Variants in CSMD2 observed in about 807,000 individuals in gnomAD.
CSMD2 encodes CUB and sushi domain-containing protein 2.
In CSMD2, 130 loss-of-function variants were observed where a neutral mutation model predicts 398.5. The observed-to-expected ratio is 0.33, with a 90% CI of 0.28 to 0.38. The LOEUF (loss-of-function observed/expected upper bound fraction) is 0.38. Among genes scored for constraint, CSMD2 ranks in the 10% least tolerant of loss-of-function variants. The pLI is 1.00. For synonymous variants in CSMD2, 1,828 were observed against 1,908.5 expected, an observed-to-expected ratio of 0.96 and a Z score of 1.10; for missense variants, 3,829 against 4,764.9, an observed-to-expected ratio of 0.80 and a Z score of 5.78.
At position 33,782,767 on chromosome 1, in the gene CSMD2, G is replaced by T. The variant is rs117891249; in HGVS notation, c.1663+5833C>A. 3.3e-5 allele frequency among the ~76,000 whole-genome samples: 5 copies of T among 152,276 alleles called. No individual in the cohort carries two copies. In the East Asian group the frequency reaches 9.6e-4, roughly 29 times the overall value. Reference sequence around the variant, plus strand: ...GCTCTACAGGACTGCAGAGATTTTTGTCTTGAATGGATTCGTAGAAACCAG... The same window carrying T: ...GCTCTACAGGACTGCAGAGATTTTTTTCTTGAATGGATTCGTAGAAACCAG... On this transcript the variant is annotated intron_variant, in intron 12 of 70. Coordinates refer to ENST00000373381, the MANE Select transcript of CSMD2 (RefSeq NM_001281956.2).
At chr1:33,788,243 C>A (rs1557894104) in intron 12 of CSMD2, among the ~76,000 whole-genome samples, 1 of 152,072 alleles carries the variant, frequency 6.6e-6, no homozygotes, top group Non-Finnish European at 1.5e-5. Context: ...CATGGTGGCT[C>A]ACGCCTGTAA....
chr1:33,997,416 A>C (rs1646762469), intron 3 of CSMD2, among the ~76,000 whole-genome samples: 2 of 152,174 alleles, frequency 1.3e-5, no homozygotes, highest in East Asian at 3.8e-4. Context: ...GGTCTGATTA[A>C]TCTAATTTGC....
chr1:33,776,029 C>T (rs1651919153), intron 12 of CSMD2, among the ~76,000 whole-genome samples: 1 of 152,082 alleles, frequency 6.6e-6, no homozygotes, highest in South Asian at 2.1e-4. Context: ...ACTGATGGGG[C>T]CAATACCAAA....
At chr1:33,784,197 A>C (rs1296521690) in intron 12 of CSMD2, among the ~76,000 whole-genome samples, 1 of 152,228 alleles carries the variant, frequency 6.6e-6, no homozygotes, top group Non-Finnish European at 1.5e-5. Flanking sequence ...AAGAGGACTG[A>C]AGGCTGAGGA....
chr1:33,867,585 G>A (rs1173250681), intron 5 of CSMD2, among the ~76,000 whole-genome samples: 3 of 152,198 alleles, frequency 2.0e-5, no homozygotes, highest in Non-Finnish European at 4.4e-5. Context: ...CTCAATAAAT[G>A]CCCTCTTCCT....
intron 24 of CSMD2, among the ~76,000 whole-genome samples, chr1:33,695,955 T>G (rs1472368895): frequency 6.6e-6 from 1 of 152,228 alleles, no homozygotes; most frequent in Non-Finnish European, 1.5e-5. Flanking sequence ...ATTTCTACTA[T>G]AGCATGTGTA....
chr1:33,658,460 A>C lies in CSMD2; in HGVS notation c.4256-323T>G, dbSNP rs140804789. On this transcript the variant is annotated intron_variant, in intron 26 of 70. Transcript: ENST00000373381. The stretch of plus-strand genomic sequence containing the variant: ...ATGATTATACTGTTATAATTATAGA[A>C]TTGAATTCAGCTTAAGAATACAAGC... Among the ~76,000 whole-genome samples the C allele has an allele frequency of 3.6e-3, 544 of 152,382 alleles. 3 individuals carry two copies. Among genetic ancestry groups the C allele is most frequent in the African/African-American group, 0.011 (468 of 41,598 alleles).
At position 34,165,098 on chromosome 1, in the gene CSMD2, G is replaced by A; in HGVS notation, c.-1C>T. On this transcript the variant is annotated 5_prime_UTR_variant, in exon 1 of 71. Transcript: ENST00000373381. ...GCTCCCGTCCCCGCGAGCGCGGCAT[G>A]GCGCGGCCGGCAGCGCCGAGGGAGA... The A allele has an allele frequency of 8.2e-7, 1 of 1,214,246 alleles. No individual in the cohort carries two copies. The highest frequency in any genetic ancestry group is 3.3e-5 in the East Asian group (1 of 30,162). 75.2% of individuals were successfully genotyped at this position (1,214,246 alleles called of 1,614,324 possible). A position where few individuals can be genotyped will look rare whatever the true frequency, so the allele number is the denominator to read the frequency against.
chr1:33,816,713 T>C (rs1406068897), intron 9 of CSMD2, among the ~76,000 whole-genome samples: 3 of 152,176 alleles, frequency 2.0e-5, no homozygotes, highest in African/African-American at 7.2e-5. Context: ...TTATTTCTTC[T>C]GATGGGAGGG....
chr1:33,680,139 T>C (rs1268571340), intron 25 of CSMD2, among the ~76,000 whole-genome samples: 4 of 135,162 alleles, frequency 3.0e-5, no homozygotes, highest in Non-Finnish European at 6.2e-5. Flanking sequence ...TTAGCCAGGA[T>C]GGCCTCGCCT....
chr1:33,599,943 T>G (rs1223156472), intron 44 of CSMD2: 1 of 589,788 alleles, frequency 1.7e-6, no homozygotes, highest in African/African-American at 1.9e-5. Context: ...TAGCAGATAC[T>G]GCAGCAGATA....
chr1:33,958,886 A>G (rs1396922173), intron 3 of CSMD2, among the ~76,000 whole-genome samples: 1 of 152,188 alleles, frequency 6.6e-6, no homozygotes, highest in African/African-American at 2.4e-5. Context: ...TATGCAGCAG[A>G]AAGAAAGCTG....
chr1:33,537,398 C>G lies in CSMD2; in HGVS notation c.9805+38G>C. On this transcript the variant is annotated intron_variant, in intron 61 of 70. Coordinates refer to ENST00000373381, the MANE Select transcript of CSMD2 (RefSeq NM_001281956.2). The surrounding 1 kb of genome is among the most constrained non-coding windows in gnomAD (Gnocchi z 4.6). ...GGCCCAAAAGAAGGTCTCCCGCAAC[C>G]CCAGCCAAGACGCTCCCTGCTCCAG... 6.3e-7 allele frequency: 1 copy of G among 1,579,648 alleles called. No individual in the cohort carries two copies. The highest frequency in any genetic ancestry group is 1.4e-5 in the African/African-American group (1 of 74,034).
chr1:34,015,237 C>T (rs1188203963), intron 3 of CSMD2, among the ~76,000 whole-genome samples: 1 of 152,208 alleles, frequency 6.6e-6, no homozygotes, highest in Non-Finnish European at 1.5e-5. Flanking sequence ...AGGGGAAGCA[C>T]ACTCGACCTC....
intron 22 of CSMD2, 125 bp from the exon 23 acceptor site, chr1:33,700,798 A>G: frequency 1.1e-6 from 1 of 888,306 alleles, no homozygotes; most frequent in Non-Finnish European, 1.8e-6. Flanking sequence ...AGGCACAGTG[A>G]GTTATCAGAT....
chr1:34,149,360 C>T (rs754699549), intron 1 of CSMD2, among the ~76,000 whole-genome samples: 4 of 152,170 alleles, frequency 2.6e-5, no homozygotes, highest in South Asian at 2.1e-4. Flanking sequence ...CCTCATCTCC[C>T]GGCTGGCTGG....
At chr1:33,968,452 C>T (rs1451874325) in intron 3 of CSMD2, among the ~76,000 whole-genome samples, 2 of 152,208 alleles carry the variant, frequency 1.3e-5, no homozygotes, top group Non-Finnish European at 2.9e-5. Context: ...GATGGGATGT[C>T]ACCCCTATGA....
Position 33,724,670 on chromosome 1 carries a change from T to G in CSMD2, c.2730A>C (p.Pro910=). 6.2e-7 allele frequency: 1 copy of G among 1,614,184 alleles called. No homozygotes were observed. Among genetic ancestry groups the G allele is most frequent in the South Asian group, 1.1e-5 (1 of 91,080 alleles). ...ITLQSDHCLD[P]GIPVNGQRHG... ...GACGCTGTCCATTTACTGGGATTCCTGGATCCAGACAGTGGTCTGACTGCA... is the reference window on the plus strand; with the variant it reads ...GACGCTGTCCATTTACTGGGATTCCGGGATCCAGACAGTGGTCTGACTGCA... The change falls in exon 18 of 71, where the codon CCA becomes CCC. Residue 910 remains proline, a synonymous_variant. Transcript: ENST00000373381.
intron 10 of CSMD2, among the ~76,000 whole-genome samples, chr1:33,793,614 G>A (rs1418383310): frequency 2.0e-5 from 3 of 152,194 alleles, no homozygotes; most frequent in Admixed American, 6.5e-5. Context: ...GAGCAGTAGA[G>A]TTTTAAATAG....
Sources: allele counts gnomAD v4.1 joint callset (sites outside exome capture counted in the v4.1 genomes callset), GRCh38; gene constraint gnomAD v4.1.1; non-coding constraint Gnocchi (gnomAD v3.1); transcripts MANE v1.5; gene names NCBI Gene and HGNC (gene_info 2026-07-23, HGNC 2026-07-21).